MLLT10: variants seen among roughly 807,000 people sequenced by gnomAD.
MLLT10 encodes the protein MLLT10 histone lysine methyltransferase DOT1L cofactor, also known as protein AF-10.
Under a neutral mutation model 129.1 loss-of-function variants are expected in MLLT10, and 30 were observed. The observed-to-expected ratio is 0.23, with a 90% CI of 0.17 to 0.32. MLLT10 has a LOEUF of 0.32. Among genes scored for constraint, MLLT10 ranks in the 10% least tolerant of loss-of-function variants. The probability of loss-of-function intolerance (pLI) is 1.00; values close to 1 mark genes in which losing one functional copy is unlikely to be tolerated. For missense variants in MLLT10, 1,119 were observed against 1,268.3 expected, an observed-to-expected ratio of 0.88 and a Z score of 1.79; for synonymous variants, 490 against 446.4, an observed-to-expected ratio of 1.10 and a Z score of -1.23.
intron 9 of MLLT10, among the ~76,000 whole-genome samples, chr10:21,662,522 T>A (rs935520968): frequency 1.3e-5 from 2 of 152,190 alleles, no homozygotes; most frequent in African/African-American, 4.8e-5. Context: ...TCAAAGACAT[T>A]CTTCATTTCT....
chr10:21,722,717 G>A (rs1374552624), intron 14 of MLLT10, among the ~76,000 whole-genome samples: 1 of 152,088 alleles, frequency 6.6e-6, no homozygotes, highest in Non-Finnish European at 1.5e-5. Context: ...CCACTAAAAG[G>A]TGGGGGTTTC....
chr10:21,625,376 A>G (rs964345890), intron 8 of MLLT10: 9 of 783,778 alleles, frequency 1.1e-5, no homozygotes, highest in African/African-American at 8.5e-5. Context: ...GAGTTCTCCA[A>G]ATTCAGAAAA....
chr10:21,671,099 A>G (rs1293548130), intron 10 of MLLT10: 1 of 162,464 alleles, frequency 6.2e-6, no homozygotes, highest in Non-Finnish European at 1.3e-5. Flanking sequence ...GCTCACTGCA[A>G]CCTCCGCCTC....
chr10:21,583,755 T>C (rs1403278927), intron 3 of MLLT10, among the ~76,000 whole-genome samples: 2 of 152,212 alleles, frequency 1.3e-5, no homozygotes, highest in African/African-American at 4.8e-5. Context: ...AAGACATTCA[T>C]GAGGGATCTG....
At chr10:21,577,591 C>T (rs953090057) in intron 3 of MLLT10, among the ~76,000 whole-genome samples, 6 of 151,894 alleles carry the variant, frequency 4.0e-5, no homozygotes, top group African/African-American at 1.5e-4. Context: ...TCTGCCTCAG[C>T]CTCCCGAGTA....
Position 21,734,046 on chromosome 10 carries a change from A to G in MLLT10, c.2775A>G (p.Thr925=), listed in dbSNP as rs1442021676. Residue 925 remains threonine, a synonymous_variant, in exon 20 of 23, where the codon ACA becomes ACG. Transcript: ENST00000307729. ...ATGGGGTTATGCAGACTCCTGTCAC[A>G]ATGTCCCAGAACCCTACCCCTCTCA... The part of the protein sequence containing the change: ...ALNGVMQTPV[T]MSQNPTPLTH... The G allele has an allele frequency of 1.2e-6, 2 of 1,614,178 alleles. No homozygotes were observed. Among genetic ancestry groups the G allele is most frequent in the Non-Finnish European group, 1.7e-6 (2 of 1,180,028 alleles).
At position 21,551,641 on chromosome 10, in the gene MLLT10, T is replaced by C. The variant is rs547311278; in HGVS notation, c.240+12729T>C. On this transcript the variant is annotated intron_variant, in intron 3 of 22. Coordinates refer to ENST00000307729, the MANE Select transcript of MLLT10 (RefSeq NM_001195626.3). Reference sequence around the variant, plus strand: ...GAATGAAGCAGGTGCTTAATACTTGTTTGTATTCTTTTCTAACCTCCCTAC... The same window carrying C: ...GAATGAAGCAGGTGCTTAATACTTGCTTGTATTCTTTTCTAACCTCCCTAC... Among the ~76,000 whole-genome samples the C allele has an allele frequency of 3.3e-5, 5 of 152,230 alleles. No individual in the cohort carries two copies. In the East Asian group the frequency reaches 9.6e-4, roughly 29 times the overall value.
intron 18 of MLLT10, 28 bp from the exon 19 acceptor site, chr10:21,733,476 G>A (rs372774328): frequency 1.5e-6 from 2 of 1,350,580 alleles, no homozygotes; most frequent in South Asian, 3.1e-5. Flanking sequence ...AGGGTAAATA[G>A]GTTTCTTTTT....
Position 21,742,958 on chromosome 10 carries a change from G to A in MLLT10, c.*975G>A, listed in dbSNP as rs940482509. ...TACCTGGGTATTTATCCACTAATGA[G>A]TCACAAGAAAAGGAGTGGATTTGGT... On this transcript the variant is annotated 3_prime_UTR_variant, in exon 23 of 23. Coordinates refer to ENST00000307729, the MANE Select transcript of MLLT10 (RefSeq NM_001195626.3). 1 of 229,202 alleles carries A rather than the reference G, an allele frequency of 4.4e-6. No individual in the cohort carries two copies. The highest frequency in any genetic ancestry group is 8.7e-6 in the Non-Finnish European group (1 of 115,562). 14.2% of individuals were successfully genotyped at this position (229,202 alleles called of 1,614,324 possible). A position where few individuals can be genotyped will look rare whatever the true frequency, so the allele number is the denominator to read the frequency against.
intron 3 of MLLT10, chr10:21,556,586 A>T (rs2038016962): frequency 7.2e-7 from 1 of 1,385,808 alleles, no homozygotes; most frequent in Non-Finnish European, 9.9e-7. Context: ...AGGGCAGGTG[A>T]GAGCCAGTTA....
chr10:21,666,733 G>A (rs2050845347), intron 9 of MLLT10, among the ~76,000 whole-genome samples: 1 of 151,850 alleles, frequency 6.6e-6, no homozygotes, highest in African/African-American at 2.4e-5. Context: ...TACTGTATTT[G>A]TCTGTTACTC....
At chr10:21,585,528 A>T (rs1490165379) in intron 3 of MLLT10, among the ~76,000 whole-genome samples, 1 of 152,184 alleles carries the variant, frequency 6.6e-6, no homozygotes, top group Non-Finnish European at 1.5e-5. Context: ...TGCCACTTAA[A>T]TTAAAATTCT....
At chr10:21,737,130 A>T (rs1269123984) in intron 21 of MLLT10, among the ~76,000 whole-genome samples, 1 of 25,292 alleles carries the variant, frequency 4.0e-5, no homozygotes, top group Non-Finnish European at 6.7e-5. Flanking sequence ...TGGGAGGCTG[A>T]GGTGGGAGGA....
At chr10:21,588,242 T>C (rs1029097201) in intron 4 of MLLT10, among the ~76,000 whole-genome samples, 1 of 152,054 alleles carries the variant, frequency 6.6e-6, no homozygotes, top group African/African-American at 2.4e-5. Context: ...AATTTTTATA[T>C]TTTTAGTAGA....
intron 13 of MLLT10, among the ~76,000 whole-genome samples, chr10:21,695,950 G>GTTT (rs58949058): frequency 3.0e-5 from 4 of 131,512 alleles, no homozygotes; most frequent in Non-Finnish European, 3.3e-5. Flanking sequence ...TTGTGTGTGG[G>GTTT]TTTTTTTTTT....
chr10:21,624,454 G>A (rs1054848226), intron 8 of MLLT10: 9 of 526,214 alleles, frequency 1.7e-5, no homozygotes, highest in African/African-American at 3.9e-5. Context: ...ATACACAATA[G>A]TGATTTCTTC....
intron 3 of MLLT10, among the ~76,000 whole-genome samples, chr10:21,567,801 G>A (rs1302665668): frequency 6.6e-6 from 1 of 151,682 alleles, no homozygotes; most frequent in Non-Finnish European, 1.5e-5. Flanking sequence ...GGAGAGAGAA[G>A]GCTTTTGTTG....
chr10:21,737,418 T>C (rs1232998085), intron 21 of MLLT10, among the ~76,000 whole-genome samples: 1 of 152,020 alleles, frequency 6.6e-6, no homozygotes, highest in Admixed American at 6.6e-5. Flanking sequence ...ACAGCGTGTG[T>C]GTATGTTGAT....
At chr10:21,668,995 G>T in intron 9 of MLLT10, 3 of 1,373,646 alleles carry the variant, frequency 2.2e-6, no homozygotes, top group Non-Finnish European at 2.9e-6. Context: ...TTTGAAAAAT[G>T]AGGTGGGGTG....
Sources: gnomAD v4.1 joint callset for allele counts (sites outside exome capture counted in the v4.1 genomes callset) on GRCh38, gnomAD v4.1.1 for gene constraint, MANE v1.5 for transcripts, NCBI Gene and HGNC (gene_info 2026-07-23, HGNC 2026-07-21) for gene names.